NBAS: variants seen among roughly 807,000 people sequenced by gnomAD.
The protein encoded by NBAS is NAG/BC035112 fusion.
A neutral mutation model predicts 302.5 loss-of-function variants in NBAS; 219 were observed. The observed-to-expected ratio is 0.72, with a 90% CI of 0.65 to 0.81. The LOEUF (loss-of-function observed/expected upper bound fraction) is 0.81. NBAS is among the 30% of genes least tolerant of loss of function. NBAS has a pLI of 0.00. For synonymous variants in NBAS, 1,118 were observed against 1,021.6 expected (o/e 1.09, Z -1.80); for missense variants, 2,932 against 2,841.6 (o/e 1.03, Z -0.72).
At chr2:15,170,022 G>T (rs760648796) in intron 51 of NBAS, among the ~76,000 whole-genome samples, 3 of 152,232 alleles carry the variant, frequency 2.0e-5, no homozygotes, top group Non-Finnish European at 4.4e-5. Context: ...AAAAGGCTCA[G>T]AATCTGAACA....
At chr2:14,827,430 T>C in the NBAS span, among the ~76,000 whole-genome samples, 1 of 152,150 alleles carries the variant, frequency 6.6e-6, no homozygotes, top group South Asian at 2.1e-4. Context: ...TGGGAGTCCG[T>C]GGGCATTTTT....
chr2:15,274,953 T>C (rs1190038921), intron 44 of NBAS, among the ~76,000 whole-genome samples: 1 of 151,662 alleles, frequency 6.6e-6, no homozygotes, highest in Non-Finnish European at 1.5e-5. Context: ...TTGGTTTTTT[T>C]TTTTCTTCTA....
intron 44 of NBAS, among the ~76,000 whole-genome samples, chr2:15,239,377 G>T (rs1667753732): frequency 7.7e-6 from 1 of 130,626 alleles, no homozygotes; most frequent in African/African-American, 2.7e-5. Flanking sequence ...TTATGTGTGT[G>T]TGTATGTGTG....
chr2:15,240,859 A>G (rs1400704581), intron 44 of NBAS, among the ~76,000 whole-genome samples: 1 of 152,180 alleles, frequency 6.6e-6, no homozygotes, highest in Non-Finnish European at 1.5e-5. Flanking sequence ...GCCCACAAAT[A>G]AACTGTTAAC....
At chr2:15,030,937 T>A in the NBAS span, among the ~76,000 whole-genome samples, 1 of 152,188 alleles carries the variant, frequency 6.6e-6, no homozygotes, top group Non-Finnish European at 1.5e-5. Context: ...CAAACTGGCC[T>A]CTCCATGTGT....
chr2:15,431,908 T>C (rs892291090), intron 21 of NBAS, among the ~76,000 whole-genome samples: 10 of 152,168 alleles, frequency 6.6e-5, no homozygotes, highest in Non-Finnish European at 8.8e-5. Context: ...AATTAATTGA[T>C]TGGTTCTGTT....
chr2:15,530,486 C>A (rs1334383763), intron 9 of NBAS, among the ~76,000 whole-genome samples: 1 of 151,830 alleles, frequency 6.6e-6, no homozygotes, highest in African/African-American at 2.4e-5. Context: ...AAAATAAAAT[C>A]ATATGTATCA....
chr2:15,332,809 C>G (rs890710276), intron 35 of NBAS, among the ~76,000 whole-genome samples: 1 of 152,208 alleles, frequency 6.6e-6, no homozygotes, highest in Non-Finnish European at 1.5e-5. Flanking sequence ...CAGTTTAGTT[C>G]ACTCAGCTCC....
the NBAS span, among the ~76,000 whole-genome samples, chr2:15,153,421 T>G: frequency 1.3e-5 from 2 of 152,202 alleles, no homozygotes. Flanking sequence ...GAACTATGCC[T>G]CATGAGAGGG....
the NBAS span, among the ~76,000 whole-genome samples, chr2:14,811,192 G>GAGGCCAGGAGTTCC: frequency 2.0e-5 from 3 of 152,202 alleles, no homozygotes; most frequent in Non-Finnish European, 4.4e-5. Flanking sequence ...AGGATCACTT[G>GAGGCCAGGAGTTCC]AGGCCAGGAG....
rs775364742 is a variant in NBAS at position 15,468,522 on chromosome 2, C to T, written c.1737G>A (p.Lys579=). The T allele has an allele frequency of 1.1e-5, 18 of 1,613,838 alleles. No individual in the cohort carries two copies. The highest frequency in any genetic ancestry group is 1.4e-5 in the Non-Finnish European group (17 of 1,179,900). Residue 579 remains lysine, a synonymous_variant, in exon 17 of 52, where the codon AAG becomes AAA. Transcript: ENST00000281513. ...ASIQNYLSKI[K]KRSWVLHECL... ...ACTCATGGAGAACCCAGGATCGCTTCTTTATTTTACTCTGCATATAAAGGA... is the reference window on the plus strand; with the variant it reads ...ACTCATGGAGAACCCAGGATCGCTTTTTTATTTTACTCTGCATATAAAGGA...
rs1677988224 is a variant in NBAS, at chr2:15,435,918, T to A, written c.2340-8124A>T. On this transcript the variant is annotated intron_variant, in intron 21 of 51. Coordinates refer to ENST00000281513, the MANE Select transcript of NBAS (RefSeq NM_015909.4). ...CCTTTGTGTCCATCACAACTCCCAG[T>A]GCTCTTATATGCATAATAATAACAT... Among the ~76,000 whole-genome samples the A allele has an allele frequency of 2.0e-5, 3 of 152,354 alleles. No individual in the cohort carries two copies. The South Asian group carries it at 6.2e-4, about 32-fold the overall frequency.
At chr2:14,837,875 A>T in the NBAS span, among the ~76,000 whole-genome samples, 7 of 151,662 alleles carry the variant, frequency 4.6e-5, no homozygotes, top group Admixed American at 1.3e-4. Context: ...ACCTTTTAAT[A>T]TTGCCTTTAG....
intron 51 of NBAS, among the ~76,000 whole-genome samples, chr2:15,171,346 G>A (rs1489369634): frequency 6.6e-6 from 1 of 152,020 alleles, no homozygotes; most frequent in Non-Finnish European, 1.5e-5. Context: ...TTCCTCTCCA[G>A]TAACTGTCCA....
At chr2:15,357,567 G>T (rs921297522) in intron 32 of NBAS, among the ~76,000 whole-genome samples, 2 of 152,104 alleles carry the variant, frequency 1.3e-5, no homozygotes, top group African/African-American at 2.4e-5. Flanking sequence ...CAAAACCTAT[G>T]TTGCCCAGGC....
the NBAS span, among the ~76,000 whole-genome samples, chr2:15,123,237 C>G: frequency 6.6e-6 from 1 of 152,228 alleles, no homozygotes; most frequent in South Asian, 2.1e-4. Flanking sequence ...TTCTCATGCC[C>G]CTTCCAACTC....
chr2:14,859,008 T>A, the NBAS span, among the ~76,000 whole-genome samples: 1 of 151,946 alleles, frequency 6.6e-6, no homozygotes. Flanking sequence ...AGTTGCAAGA[T>A]ACAAAATTTA....
chr2:14,942,252 C>G, the NBAS span, among the ~76,000 whole-genome samples: 2 of 152,114 alleles, frequency 1.3e-5, no homozygotes, highest in Non-Finnish European at 2.9e-5. Context: ...TGTGTCCCCA[C>G]CAAATCTCGT....
intron 30 of NBAS, among the ~76,000 whole-genome samples, chr2:15,378,360 T>C (rs1261376727): frequency 6.6e-6 from 1 of 152,086 alleles, no homozygotes; most frequent in South Asian, 2.1e-4. Flanking sequence ...TTAGAGGAAC[T>C]AGACACTGCA....
Sources: allele counts gnomAD v4.1 joint callset (sites outside exome capture counted in the v4.1 genomes callset), GRCh38; gene constraint gnomAD v4.1.1; transcripts MANE v1.5; gene names NCBI Gene and HGNC (gene_info 2026-07-23, HGNC 2026-07-21).